PIK3C2B: variants seen among roughly 807,000 people sequenced by gnomAD.
PIK3C2B encodes phosphatidylinositol-4-phosphate 3-kinase catalytic subunit type 2 beta.
Under a neutral mutation model 184.3 loss-of-function variants are expected in PIK3C2B, and 83 were observed. The ratio of observed to expected loss-of-function variants is 0.45; its 90% CI spans 0.38 to 0.54. The LOEUF (loss-of-function observed/expected upper bound fraction) is 0.54. Ranked by LOEUF, PIK3C2B falls within the 20% of genes least tolerant of loss-of-function variation. The probability of loss-of-function intolerance (pLI) is 0.00; values close to 1 mark genes in which losing one functional copy is unlikely to be tolerated. For synonymous variants in PIK3C2B, 779 were observed against 837.6 expected (o/e 0.93, Z 1.21); for missense variants, 1,736 against 2,113.5 (o/e 0.82, Z 3.50).
intron 5 of PIK3C2B, among the ~76,000 whole-genome samples, chr1:204,463,604 A>T (rs1655507239): frequency 6.6e-6 from 1 of 152,178 alleles, no homozygotes; most frequent in African/African-American, 2.4e-5. Context: ...GGGCTCCACA[A>T]GGGAACTTCT....
At chr1:204,441,400 T>G (rs1045661879) in intron 21 of PIK3C2B, 71 bp downstream of exon 21, 5 of 935,446 alleles carry the variant, frequency 5.3e-6, no homozygotes, top group African/African-American at 1.6e-5. Context: ...CAGGGGCTAC[T>G]TAATGCCACT....
Position 204,457,090 on chromosome 1 carries a change from G to C in PIK3C2B, c.1714-20C>G. On this transcript the variant is annotated intron_variant, in intron 9 of 32. Coordinates refer to ENST00000684373, the MANE Select transcript of PIK3C2B (RefSeq NM_001377334.1). Reference sequence around the variant, plus strand: ...GGGATCCTGTTGGGAAAAAGAAGAGGGAGGGGAGCTTCAGGGCCATAGCCT... The same window carrying C: ...GGGATCCTGTTGGGAAAAAGAAGAGCGAGGGGAGCTTCAGGGCCATAGCCT... The C allele has an allele frequency of 2.6e-6, 4 of 1,558,714 alleles. No individual in the cohort carries two copies. Among genetic ancestry groups the C allele is most frequent in the Non-Finnish European group, 3.5e-6 (4 of 1,149,924 alleles).
rs780192484 is a variant in PIK3C2B, at chr1:204,433,461, TAAC to T, written c.3844-39_3844-37del. On this transcript the variant is annotated intron_variant, in intron 25 of 32. Coordinates refer to ENST00000684373, the MANE Select transcript of PIK3C2B (RefSeq NM_001377334.1). This position sits in a 1 kb window ranked among gnomAD's most constrained non-coding sequence, Gnocchi z 5.0. ...CAGAAAGAAGAAGAGAGGGTGCCTG[TAAC>T]AACAGAGAATTCTTGCTGCTTCTCT... 3.1e-6 allele frequency: 4 copies of T among 1,294,664 alleles called. No individual in the cohort carries two copies. Among genetic ancestry groups the T allele is most frequent in the Non-Finnish European group, 4.5e-6 (4 of 890,940 alleles). The allele number at this position is 1,294,664 out of a possible 1,614,324, so 80.2% of individuals were successfully genotyped here. A position where few individuals can be genotyped will look rare whatever the true frequency, so the allele number is the denominator to read the frequency against.
At chr1:204,460,769 G>A in intron 5 of PIK3C2B, 108 bp from the exon 6 acceptor site, 1 of 730,806 alleles carries the variant, frequency 1.4e-6, no homozygotes. Context: ...TTTAGGTAAG[G>A]GGGTAGTACC....
At chr1:204,464,379 C>A (rs943467504) in intron 4 of PIK3C2B, 71 bp downstream of exon 4, 6 of 1,304,008 alleles carry the variant, frequency 4.6e-6, no homozygotes, top group Admixed American at 5.1e-5. Flanking sequence ...AGGTGGAAAT[C>A]GAGTCAAAAC....
intron 28 of PIK3C2B, among the ~76,000 whole-genome samples, chr1:204,430,708 G>C (rs1675006667): frequency 6.6e-6 from 1 of 151,354 alleles, no homozygotes; most frequent in African/African-American, 2.4e-5. Flanking sequence ...GCCCAGGCTG[G>C]AGCGCAGTCA....
chr1:204,468,840 A>T, intron 2 of PIK3C2B, 30 bp downstream of exon 2: 1 of 1,527,064 alleles, frequency 6.5e-7, no homozygotes, highest in South Asian at 1.3e-5. Flanking sequence ...TGGAGAAAGG[A>T]AGGCAGAAGA....
At chr1:204,493,097 G>C (rs910517433) in intron 1 of PIK3C2B, among the ~76,000 whole-genome samples, 1 of 152,166 alleles carries the variant, frequency 6.6e-6, no homozygotes, top group Non-Finnish European at 1.5e-5. Flanking sequence ...AAGTATTTGG[G>C]GGTCGGCATT....
intron 7 of PIK3C2B, among the ~76,000 whole-genome samples, 186 bp downstream of exon 7, chr1:204,460,138 C>A (rs558851085): frequency 2.2e-4 from 33 of 152,290 alleles, no homozygotes; most frequent in African/African-American, 7.2e-4. Context: ...AGAATGATGG[C>A]AAAGTTCCAG....
chr1:204,441,703 T>A (rs1675672454), intron 20 of PIK3C2B, 140 bp from the exon 21 acceptor site: 2 of 562,342 alleles, frequency 3.6e-6, no homozygotes, highest in Admixed American at 6.3e-5. Flanking sequence ...TCTTCCGGAT[T>A]TCCCAGAAAC....
intron 29 of PIK3C2B, 35 bp downstream of exon 29, chr1:204,429,886 C>T (rs1186136441): frequency 4.3e-6 from 6 of 1,381,008 alleles, no homozygotes; most frequent in Non-Finnish European, 5.1e-6. Context: ...TCCCCACCAG[C>T]CTGGACAGCC....
rs748811100 is a variant in PIK3C2B at position 204,464,440 on chromosome 1, A to G, written c.1189+10T>C. The G allele has an allele frequency of 6.2e-7, 1 of 1,611,128 alleles. No homozygotes were observed. Among genetic ancestry groups the G allele is most frequent in the South Asian group, 1.1e-5 (1 of 90,814 alleles). On this transcript the variant is annotated intron_variant, in intron 4 of 32. Transcript: ENST00000684373. ...GGATGCTCACATCCTCTCCCCCCTCACTAACTTACAGTTGCAGGTGAAAGT... is the reference window on the plus strand; with the variant it reads ...GGATGCTCACATCCTCTCCCCCCTCGCTAACTTACAGTTGCAGGTGAAAGT...
intron 9 of PIK3C2B, 114 bp downstream of exon 9, chr1:204,457,614 G>C: frequency 1.0e-6 from 1 of 975,240 alleles, no homozygotes; most frequent in Non-Finnish European, 1.5e-6. Context: ...GATGGAGGTG[G>C]AGAGAAGCCC....
At chr1:204,426,492 A>G (rs1225251031) in intron 31 of PIK3C2B, among the ~76,000 whole-genome samples, 5 of 152,068 alleles carry the variant, frequency 3.3e-5, no homozygotes, top group Non-Finnish European at 7.4e-5. Context: ...CACCTCCTCA[A>G]CAATGAGGCC....
At chr1:204,466,909 A>C (rs1191222138) in intron 2 of PIK3C2B, 1 of 533,250 alleles carries the variant, frequency 1.9e-6, no homozygotes, top group Admixed American at 1.9e-5. Flanking sequence ...GCCTGGGATA[A>C]GGAGGTTCCC....
intron 29 of PIK3C2B, among the ~76,000 whole-genome samples, chr1:204,429,334 G>T (rs1403971253): frequency 6.6e-6 from 1 of 152,190 alleles, no homozygotes. Flanking sequence ...TTATGGTACT[G>T]CAAGTTGGTG....
At chr1:204,487,519 C>G (rs935672810) in intron 1 of PIK3C2B, among the ~76,000 whole-genome samples, 3 of 152,134 alleles carry the variant, frequency 2.0e-5, no homozygotes, top group Non-Finnish European at 4.4e-5. Flanking sequence ...CGTGGTCTGA[C>G]CAACCCAGAG....
chr1:204,438,828 A>C (rs1357543659), intron 23 of PIK3C2B, 107 bp downstream of exon 23: 3 of 1,299,518 alleles, frequency 2.3e-6, no homozygotes, highest in Non-Finnish European at 3.2e-6. Context: ...TCTGCCAACA[A>C]AGCTGAGCTG....
rs149325062 is a variant in PIK3C2B, at chr1:204,432,768, G to A, written c.3954-367C>T. On this transcript the variant is annotated intron_variant, in intron 26 of 32. Coordinates refer to ENST00000684373, the MANE Select transcript of PIK3C2B (RefSeq NM_001377334.1). ...GTTCAATCTCAGATTTCAATTCAGCGGGAGAGGTCCTGTGTTAGGAGACCT... is the reference window on the plus strand; with the variant it reads ...GTTCAATCTCAGATTTCAATTCAGCAGGAGAGGTCCTGTGTTAGGAGACCT... 7.8e-4 allele frequency among the ~76,000 whole-genome samples: 119 copies of A among 152,276 alleles called. 2 individuals are homozygous for A. The East Asian group carries it at 0.022, about 29-fold the overall frequency.
Sources: allele counts gnomAD v4.1 joint callset (sites outside exome capture counted in the v4.1 genomes callset), GRCh38; gene constraint gnomAD v4.1.1; non-coding constraint Gnocchi (gnomAD v3.1); transcripts MANE v1.5; gene names NCBI Gene and HGNC (gene_info 2026-07-23, HGNC 2026-07-21).